INSC: variants seen among roughly 807,000 people sequenced by gnomAD.
INSC encodes the protein INSC spindle orientation adaptor protein.
INSC carries 67 observed loss-of-function variants against 58.6 expected under a neutral mutation model. That is an observed-to-expected ratio of 1.14 (90% CI 0.94 to 1.40). The LOEUF (loss-of-function observed/expected upper bound fraction) is 1.40, where lower values mean the gene tolerates loss of function less well. Among genes scored for constraint, INSC ranks in the 40% most tolerant of loss-of-function variants. The pLI is 0.00. For missense variants in INSC, 714 were observed against 692.0 expected (o/e 1.03, Z -0.36); for synonymous variants, 262 against 276.1 (o/e 0.95, Z 0.51).
At chr11:15,172,578 G>A (rs1030202839) in intron 2 of INSC, among the ~76,000 whole-genome samples, 4 of 152,214 alleles carry the variant, frequency 2.6e-5, no homozygotes, top group Admixed American at 6.5e-5. Flanking sequence ...GAACTCATGA[G>A]CTCTGGCTGT....
At chr11:15,203,518 C>G (rs1318742588) in intron 7 of INSC, among the ~76,000 whole-genome samples, 1 of 152,210 alleles carries the variant, frequency 6.6e-6, no homozygotes, top group Non-Finnish European at 1.5e-5. Context: ...ATTCTAATTT[C>G]ATTTGATGCT....
At chr11:15,138,010 T>C (rs1196475551) in intron 1 of INSC, among the ~76,000 whole-genome samples, 2 of 152,162 alleles carry the variant, frequency 1.3e-5, no homozygotes, top group Non-Finnish European at 2.9e-5. Flanking sequence ...TAGAGGGCAT[T>C]GTAGGGTTTG....
upstream of INSC, among the ~76,000 whole-genome samples, chr11:15,111,763 G>A (rs1343006719): frequency 6.6e-6 from 1 of 152,144 alleles, no homozygotes; most frequent in African/African-American, 2.4e-5. Context: ...TTTTATAAAA[G>A]GTTACTATGG....
At chr11:15,198,228 C>A (rs1398275550) in intron 6 of INSC, among the ~76,000 whole-genome samples, 1 of 152,174 alleles carries the variant, frequency 6.6e-6, no homozygotes, top group African/African-American at 2.4e-5. Flanking sequence ...CTCAATTGCA[C>A]CCCCAACAGC....
chr11:15,126,547 C>A (rs1248728560), intron 1 of INSC, among the ~76,000 whole-genome samples: 25 of 152,154 alleles, frequency 1.6e-4, no homozygotes, highest in Non-Finnish European at 2.9e-5. Context: ...TCTAATTCAG[C>A]CCTCTATTCT....
rs966189592 is a variant in INSC at position 15,246,190 on chromosome 11, G to C, written c.*150G>C. The C allele has an allele frequency of 1.4e-5, 10 of 706,778 alleles. No individual in the cohort carries two copies. Among genetic ancestry groups the C allele is most frequent in the Non-Finnish European group, 2.0e-5 (9 of 451,792 alleles). The allele number at this position is 706,778 out of a possible 1,614,324, so 43.8% of individuals were successfully genotyped here. A position where few individuals can be genotyped will look rare whatever the true frequency, so the allele number is the denominator to read the frequency against. On this transcript the variant is annotated 3_prime_UTR_variant, in exon 13 of 13. Coordinates refer to ENST00000379556, the MANE Select transcript of INSC (RefSeq NM_001042536.3). The stretch of plus-strand genomic sequence containing the variant: ...GAAATAAATGGAGGACAAAATCTTA[G>C]AGCAACATCATCAAACAGTCTTTGG...
chr11:15,218,943 C>A (rs1050352352), intron 7 of INSC, among the ~76,000 whole-genome samples: 2 of 152,132 alleles, frequency 1.3e-5, no homozygotes, highest in Non-Finnish European at 2.9e-5. Context: ...ACTTATTTCC[C>A]ACTTACTAAA....
chr11:15,118,300 G>A (rs1590324200), intron 1 of INSC, among the ~76,000 whole-genome samples: 1 of 152,182 alleles, frequency 6.6e-6, no homozygotes, highest in Admixed American at 6.5e-5. Flanking sequence ...GCAGGGCAGG[G>A]TTCTAGCCAC....
At chr11:15,174,152 T>C (rs1339977015) in intron 2 of INSC, among the ~76,000 whole-genome samples, 1 of 151,126 alleles carries the variant, frequency 6.6e-6, no homozygotes, top group African/African-American at 2.4e-5. Flanking sequence ...TCCTTGCACA[T>C]CTCAGGACAC....
At chr11:15,240,866 G>A (rs1852323571) in intron 12 of INSC, among the ~76,000 whole-genome samples, 1 of 152,172 alleles carries the variant, frequency 6.6e-6, no homozygotes, top group South Asian at 2.1e-4. Flanking sequence ...ATGGGAGCTA[G>A]GATAGGGATA....
At chr11:15,214,188 C>T (rs948678942) in intron 7 of INSC, among the ~76,000 whole-genome samples, 1 of 152,180 alleles carries the variant, frequency 6.6e-6, no homozygotes, top group African/African-American at 2.4e-5. Flanking sequence ...TAACTATACC[C>T]TGGATGAACA....
intron 7 of INSC, among the ~76,000 whole-genome samples, chr11:15,210,914 C>A (rs937989346): frequency 6.6e-6 from 1 of 152,032 alleles, no homozygotes; most frequent in Non-Finnish European, 1.5e-5. Context: ...AACAGTCTGG[C>A]ACTGACAGTG....
chr11:15,178,285 C>T, intron 4 of INSC, 39 bp from the exon 5 acceptor site: 1 of 1,611,788 alleles, frequency 6.2e-7, no homozygotes. Context: ...TGACCACATG[C>T]CCTTTCCAGT....
At chr11:15,233,240 A>G (rs1590003982) in intron 9 of INSC, among the ~76,000 whole-genome samples, 1 of 152,228 alleles carries the variant, frequency 6.6e-6, no homozygotes, top group African/African-American at 2.4e-5. Context: ...TAGGTGGAAT[A>G]GAACTTAATT....
chr11:15,118,483 T>G (rs73414650), intron 1 of INSC, among the ~76,000 whole-genome samples: 7,719 of 152,222 alleles, frequency 0.051, 412 homozygotes, highest in African/African-American at 0.14. Flanking sequence ...CTGCTTCTCA[T>G]TATATCTTAT....
upstream of INSC, among the ~76,000 whole-genome samples, chr11:15,113,119 C>CTCTCTCTCTTTCTTTCTTTCTTTCTT (rs1554899334): frequency 8.2e-5 from 6 of 73,264 alleles, no homozygotes; most frequent in African/African-American, 2.9e-4. Flanking sequence ...TTCTCTCTCT[C>CTCTCTCTCTTTCTTTCTTTCTTTCTT]TCTTTCTTTC....
At chr11:15,141,621 T>C (rs1000593993) in intron 1 of INSC, among the ~76,000 whole-genome samples, 4 of 152,234 alleles carry the variant, frequency 2.6e-5, no homozygotes, top group Admixed American at 2.6e-4. Flanking sequence ...TGGTTTCTTG[T>C]GCCTCCCCTG....
chr11:15,171,761 C>G (rs1180191351), intron 2 of INSC, among the ~76,000 whole-genome samples: 1 of 152,220 alleles, frequency 6.6e-6, no homozygotes, highest in Admixed American at 6.5e-5. Context: ...CTTGTCTCCC[C>G]ACTCCCCAAG....
At chr11:15,245,879 T>G in intron 12 of INSC, 33 bp from the exon 13 acceptor site, 1 of 1,606,358 alleles carries the variant, frequency 6.2e-7, no homozygotes, top group Non-Finnish European at 8.5e-7. Context: ...TGGCCCAGTC[T>G]GACACGTGTC....
Sources: gnomAD v4.1 joint callset for allele counts (sites outside exome capture counted in the v4.1 genomes callset) on GRCh38, gnomAD v4.1.1 for gene constraint, MANE v1.5 for transcripts, NCBI Gene and HGNC (gene_info 2026-07-23, HGNC 2026-07-21) for gene names.